The following MVB12B variants were observed in gnomAD, a reference collection of about 807,000 sequenced individuals.
MVB12B encodes the protein ESCRT-I complex subunit MVB12B.
In MVB12B, 16 loss-of-function variants were observed where a neutral mutation model predicts 41.6. That is an observed-to-expected ratio of 0.38 (90% CI 0.26 to 0.58). MVB12B has a LOEUF of 0.58. Ranked by LOEUF, MVB12B falls within the 20% of genes least tolerant of loss-of-function variation. MVB12B has a pLI of 0.62. For synonymous variants in MVB12B, 133 were observed against 139.7 expected (o/e 0.95, Z 0.34); for missense variants, 274 against 380.2 (o/e 0.72, Z 2.32).
intron 3 of MVB12B, among the ~76,000 whole-genome samples, chr9:126,381,501 C>T (rs1455058073): frequency 2.0e-5 from 3 of 152,110 alleles, no homozygotes; most frequent in South Asian, 2.1e-4. Flanking sequence ...TCCAGTGGAG[C>T]GGGATTTAAT....
At chr9:126,375,347 A>G (rs1388929563) in intron 2 of MVB12B, among the ~76,000 whole-genome samples, 1 of 123,696 alleles carries the variant, frequency 8.1e-6, no homozygotes, top group African/African-American at 3.0e-5. Context: ...ATGTCTTTTT[A>G]ATTTTTAAAT....
chr9:126,454,544 CTGG>C (rs764300791), intron 7 of MVB12B, among the ~76,000 whole-genome samples: 42 of 152,242 alleles, frequency 2.8e-4, no homozygotes, highest in Non-Finnish European at 5.9e-4. Context: ...AAGGTGGCCC[CTGG>C]TCTTAGCCAA....
chr9:126,447,806 C>G (rs759684691), intron 7 of MVB12B, among the ~76,000 whole-genome samples: 3 of 152,178 alleles, frequency 2.0e-5, no homozygotes, highest in Non-Finnish European at 4.4e-5. Flanking sequence ...ATGTCAGTAT[C>G]ATTTTGATCA....
chr9:126,482,663 G>A (rs1291580689), intron 8 of MVB12B, among the ~76,000 whole-genome samples: 2 of 152,208 alleles, frequency 1.3e-5, no homozygotes, highest in East Asian at 1.9e-4. Flanking sequence ...AGGCGGCCCC[G>A]CTCTCGCACC....
chr9:126,365,220 ATTTT>A (rs71377933), intron 2 of MVB12B, among the ~76,000 whole-genome samples: 31,143 of 122,580 alleles, frequency 0.25, 3,795 homozygotes, highest in African/African-American at 0.33. Context: ...CACCCAGCTA[ATTTT>A]TTTTTTTTTT....
intron 7 of MVB12B, among the ~76,000 whole-genome samples, chr9:126,479,116 C>G (rs1372530190): frequency 1.7e-5 from 2 of 116,352 alleles, no homozygotes; most frequent in Admixed American, 9.8e-5. Context: ...AGGACCATGA[C>G]AGGTGAAGAG....
chr9:126,383,123 G>A (rs1450951256), intron 3 of MVB12B, among the ~76,000 whole-genome samples: 1 of 152,176 alleles, frequency 6.6e-6, no homozygotes, highest in Non-Finnish European at 1.5e-5. Context: ...AGGAGTGGAG[G>A]AGGAATCAGA....
intron 7 of MVB12B, among the ~76,000 whole-genome samples, chr9:126,429,562 C>T (rs1197313384): frequency 2.6e-5 from 4 of 152,204 alleles, no homozygotes; most frequent in Non-Finnish European, 5.9e-5. Context: ...TGGGCACAGA[C>T]TGTAACATGT....
At chr9:126,471,733 C>A (rs2417020) in intron 7 of MVB12B, among the ~76,000 whole-genome samples, 132,339 of 152,198 alleles carry the variant, frequency 0.87, 57,750 homozygotes, top group East Asian at 1. Flanking sequence ...AGGAAAGGGG[C>A]GAAGAAAGGC....
At chr9:126,465,894 G>T (rs1050690429) in intron 7 of MVB12B, among the ~76,000 whole-genome samples, 4 of 152,156 alleles carry the variant, frequency 2.6e-5, no homozygotes, top group African/African-American at 9.7e-5. Flanking sequence ...CAGAGCTAGT[G>T]CCTGGTGGGC....
intron 1 of MVB12B, among the ~76,000 whole-genome samples, chr9:126,328,106 T>C (rs1829033936): frequency 6.6e-6 from 1 of 152,204 alleles, no homozygotes; most frequent in African/African-American, 2.4e-5. Flanking sequence ...TGTGAAGCCT[T>C]GACTAACTGA....
chr9:126,506,269 C>CT lies in MVB12B; in HGVS notation c.*3007dup, dbSNP rs2119255296. On this transcript the variant is annotated 3_prime_UTR_variant, in exon 10 of 10. Coordinates refer to ENST00000361171, the MANE Select transcript of MVB12B (RefSeq NM_033446.3). ...CTGGCCAGGCTCTAGGCCAGGCTCT[C>CT]TAAGCACATTTCTCCTTTCATTCCC... 6.5e-6 allele frequency: 1 copy of CT among 152,778 alleles called. No homozygotes were observed. Among genetic ancestry groups the CT allele is most frequent in the East Asian group, 1.9e-4 (1 of 5,166 alleles). The allele number at this position is 152,778 out of a possible 1,614,324, so 9.5% of individuals were successfully genotyped here.
chr9:126,338,220 C>T (rs1305279820), intron 1 of MVB12B, among the ~76,000 whole-genome samples: 3 of 152,252 alleles, frequency 2.0e-5, no homozygotes, highest in Non-Finnish European at 4.4e-5. Context: ...GTTGGAGATG[C>T]TCTGCGCGCA....
rs768946153 is a variant in MVB12B, at chr9:126,397,732, G to A, written c.662+2035G>A. ...TTTTTGTGGGGTTTTTTTGTGTGTT[G>A]TTTTCCTATCCAGTATCTTTGATTT... On this transcript the variant is annotated intron_variant, in intron 6 of 9. Coordinates refer to ENST00000361171, the MANE Select transcript of MVB12B (RefSeq NM_033446.3). 4.3e-4 allele frequency: 231 copies of A among 542,090 alleles called. 1 individual carries two copies. In the Middle Eastern group the frequency reaches 0.012, roughly 29 times the overall value. The allele number at this position is 542,090 out of a possible 1,614,324, so 33.6% of individuals were successfully genotyped here.
intron 7 of MVB12B, among the ~76,000 whole-genome samples, chr9:126,461,776 G>C (rs777245202): frequency 3.3e-5 from 5 of 152,152 alleles, no homozygotes; most frequent in Admixed American, 6.5e-5. Context: ...GGCTCCCGGG[G>C]TGGGTGGGCT....
chr9:126,460,607 G>A (rs1168478110), intron 7 of MVB12B, among the ~76,000 whole-genome samples: 2 of 152,094 alleles, frequency 1.3e-5, no homozygotes, highest in Non-Finnish European at 1.5e-5. Flanking sequence ...GGTGGGCATC[G>A]CCTCTCCCTG....
chr9:126,394,149 A>G (rs1232944226), intron 5 of MVB12B, among the ~76,000 whole-genome samples: 2 of 152,224 alleles, frequency 1.3e-5, no homozygotes, highest in East Asian at 1.9e-4. Context: ...CACGGTTTAC[A>G]CTAATTATGT....
At chr9:126,499,307 C>A (rs1008560816) in intron 9 of MVB12B, among the ~76,000 whole-genome samples, 1 of 152,130 alleles carries the variant, frequency 6.6e-6, no homozygotes. Flanking sequence ...ATCTCTTTCC[C>A]GAGAGAGGCC....
At chr9:126,449,953 A>G (rs1832859730) in intron 7 of MVB12B, among the ~76,000 whole-genome samples, 1 of 152,182 alleles carries the variant, frequency 6.6e-6, no homozygotes, top group African/African-American at 2.4e-5. Flanking sequence ...GGGTGCCTTC[A>G]TTGTGCCTCC....
Sources: gnomAD v4.1 joint callset for allele counts (sites outside exome capture counted in the v4.1 genomes callset) on GRCh38, gnomAD v4.1.1 for gene constraint, MANE v1.5 for transcripts, NCBI Gene and HGNC (gene_info 2026-07-23, HGNC 2026-07-21) for gene names.